Variants in OXCT1 observed in about 807,000 individuals in gnomAD.
OXCT1 encodes 3-oxoacid CoA-transferase 1, also known as succinyl-CoA:3-ketoacid coenzyme A transferase 1, mitochondrial.
In OXCT1, 27 loss-of-function variants were observed where a neutral mutation model predicts 69.6. The ratio of observed to expected loss-of-function variants is 0.39; its 90% confidence interval spans 0.29 to 0.54. The LOEUF is 0.54. Ranked by LOEUF, OXCT1 falls within the 20% of genes least tolerant of loss-of-function variation. The pLI, the probability that OXCT1 is intolerant of heterozygous loss-of-function variation, is 0.72. For synonymous variants in OXCT1, 202 were observed against 217.8 expected (o/e 0.93, Z 0.64); for missense variants, 437 against 650.2 (o/e 0.67, Z 3.57).
At chr5:41,784,043 G>C (rs1426514326) in intron 13 of OXCT1, among the ~76,000 whole-genome samples, 1 of 152,132 alleles carries the variant, frequency 6.6e-6, no homozygotes, top group African/African-American at 2.4e-5. Context: ...GCTTGCTAAT[G>C]AATTTGCTTT....
chr5:41,856,287 G>T (rs1749425979), intron 3 of OXCT1, among the ~76,000 whole-genome samples: 1 of 152,142 alleles, frequency 6.6e-6, no homozygotes, highest in Non-Finnish European at 1.5e-5. Context: ...AAGACTTGTT[G>T]CCCATCCTGA....
intron 7 of OXCT1, among the ~76,000 whole-genome samples, chr5:41,819,607 T>C (rs1273142822): frequency 6.6e-6 from 1 of 151,574 alleles, no homozygotes. Flanking sequence ...TTACCTCAGG[T>C]GATCTGCCTG....
intron 7 of OXCT1, among the ~76,000 whole-genome samples, chr5:41,814,123 T>C (rs1264771485): frequency 6.9e-6 from 1 of 144,880 alleles, no homozygotes; most frequent in Non-Finnish European, 1.5e-5. Context: ...TTTTAAATCA[T>C]CTTTGGGAAA....
intron 13 of OXCT1, among the ~76,000 whole-genome samples, chr5:41,779,029 C>T (rs937316406): frequency 9.2e-5 from 14 of 152,288 alleles, no homozygotes; most frequent in South Asian, 2.1e-4. Flanking sequence ...AAATAACTCT[C>T]CACATTTCAA....
chr5:41,844,882 C>G (rs1186172246), intron 5 of OXCT1, among the ~76,000 whole-genome samples: 1 of 151,192 alleles, frequency 6.6e-6, no homozygotes, highest in Non-Finnish European at 1.5e-5. Flanking sequence ...CCATTCCCTC[C>G]TAAATTAACA....
intron 9 of OXCT1, among the ~76,000 whole-genome samples, chr5:41,804,470 A>G (rs1385861649): frequency 6.6e-6 from 1 of 152,160 alleles, no homozygotes; most frequent in East Asian, 1.9e-4. Flanking sequence ...AGGCAATACA[A>G]TAACTGAATA....
intron 7 of OXCT1, among the ~76,000 whole-genome samples, chr5:41,808,319 G>A (rs765651462): frequency 6.6e-6 from 1 of 151,920 alleles, no homozygotes; most frequent in African/African-American, 2.4e-5. Context: ...CAAAACAAAC[G>A]TTTGCTTCCA....
chr5:41,768,855 A>G (rs1744742563), intron 13 of OXCT1, among the ~76,000 whole-genome samples: 1 of 152,184 alleles, frequency 6.6e-6, no homozygotes, highest in Non-Finnish European at 1.5e-5. Flanking sequence ...GCTTCAGGGT[A>G]AAGTCCAAGC....
intron 10 of OXCT1, among the ~76,000 whole-genome samples, chr5:41,801,750 C>T (rs578201026): frequency 6.2e-4 from 94 of 152,076 alleles, no homozygotes; most frequent in Non-Finnish European, 1.1e-3. Flanking sequence ...TACTTATGTC[C>T]TTATGTTCCT....
intron 5 of OXCT1, among the ~76,000 whole-genome samples, chr5:41,843,333 G>C (rs144416627): frequency 6.6e-6 from 1 of 152,180 alleles, no homozygotes; most frequent in East Asian, 1.9e-4. Context: ...TCCATTTACT[G>C]AGGTTTTCTT....
At chr5:41,820,390 T>C (rs1360976887) in intron 7 of OXCT1, among the ~76,000 whole-genome samples, 2 of 152,152 alleles carry the variant, frequency 1.3e-5, no homozygotes, top group African/African-American at 2.4e-5. Context: ...TTGATACTCA[T>C]ATAAAGAAAA....
intron 12 of OXCT1, 56 bp downstream of exon 12, chr5:41,794,621 G>A (rs1016466143): frequency 3.2e-5 from 47 of 1,489,974 alleles, no homozygotes; most frequent in South Asian, 4.5e-5. Context: ...ACACTCAGAC[G>A]ATGACTCAGC....
intron 16 of OXCT1, 117 bp downstream of exon 16, chr5:41,739,273 A>C: frequency 5.3e-6 from 4 of 749,108 alleles, no homozygotes; most frequent in Non-Finnish European, 9.6e-6. Flanking sequence ...ACTCCTGTTC[A>C]CTGTAAAGGT....
intron 5 of OXCT1, among the ~76,000 whole-genome samples, chr5:41,846,509 A>G (rs1471844634): frequency 6.7e-6 from 1 of 148,972 alleles, no homozygotes; most frequent in Non-Finnish European, 1.5e-5. Flanking sequence ...TATGTGCCAC[A>G]TTTTCTTAAT....
intron 13 of OXCT1, among the ~76,000 whole-genome samples, chr5:41,782,598 G>T (rs1745461307): frequency 6.6e-6 from 1 of 151,232 alleles, no homozygotes; most frequent in African/African-American, 2.4e-5. Flanking sequence ...AATGGGGTTA[G>T]TTTTTTTTTG....
At chr5:41,807,697 TAA>T (rs1325526117) in intron 7 of OXCT1, among the ~76,000 whole-genome samples, 6 of 152,176 alleles carry the variant, frequency 3.9e-5, no homozygotes, top group African/African-American at 1.4e-4. Flanking sequence ...AGTCTTTGCT[TAA>T]AAGAGTCTCA....
intron 16 of OXCT1, 43 bp from the exon 17 acceptor site, chr5:41,731,813 T>A: frequency 6.3e-7 from 1 of 1,579,816 alleles, no homozygotes; most frequent in Non-Finnish European, 8.6e-7. Flanking sequence ...AAAAACTGCA[T>A]GATATAAATC....
chr5:41,843,727 G>A (rs1748759774), intron 5 of OXCT1: 1 of 293,624 alleles, frequency 3.4e-6, no homozygotes, highest in South Asian at 2.8e-5. Flanking sequence ...GACTAAGTGC[G>A]TTTTACAAAA....
intron 7 of OXCT1, among the ~76,000 whole-genome samples, chr5:41,820,160 CAATA>C (rs1433294167): frequency 3.9e-5 from 6 of 152,036 alleles, no homozygotes; most frequent in African/African-American, 1.4e-4. Context: ...GAAATAGAGT[CAATA>C]AATATATGAA....
Sources: allele counts gnomAD v4.1 joint callset (sites outside exome capture counted in the v4.1 genomes callset), GRCh38; gene constraint gnomAD v4.1.1; transcripts MANE v1.5; gene names NCBI Gene and HGNC (gene_info 2026-07-23, HGNC 2026-07-21).